GSK3B: variants seen among roughly 807,000 people sequenced by gnomAD.
GSK3B encodes glycogen synthase kinase 3 beta.
In GSK3B, 15 loss-of-function variants were observed where a neutral mutation model predicts 56.4. That is an observed-to-expected ratio of 0.27 (90% CI 0.18 to 0.41). The LOEUF is 0.41. Ranked by LOEUF, GSK3B falls within the 10% of genes least tolerant of loss-of-function variation. GSK3B has a pLI of 1.00. For missense variants in GSK3B, 300 were observed against 513.4 expected (o/e 0.58, Z 4.02); for synonymous variants, 181 against 188.9 (o/e 0.96, Z 0.34).
chr3:120,009,270 G>A (rs2057757111), intron 1 of GSK3B, among the ~76,000 whole-genome samples: 1 of 152,194 alleles, frequency 6.6e-6, no homozygotes, highest in South Asian at 2.1e-4. Context: ...GTGAAAGACA[G>A]TGTAGCGATT....
intron 1 of GSK3B, among the ~76,000 whole-genome samples, chr3:120,057,226 A>C (rs1360452304): frequency 1.3e-5 from 2 of 152,380 alleles, no homozygotes; most frequent in East Asian, 3.8e-4. Flanking sequence ...TGGTTAAATC[A>C]ACAATTTTTT....
chr3:119,890,144 A>C (rs540479863), intron 7 of GSK3B, among the ~76,000 whole-genome samples: 1 of 152,214 alleles, frequency 6.6e-6, no homozygotes, highest in Admixed American at 6.5e-5. Context: ...TTTTTATTCA[A>C]GAGAAATATA....
intron 7 of GSK3B, among the ~76,000 whole-genome samples, chr3:119,903,905 A>G (rs1453997456): frequency 6.6e-6 from 1 of 152,162 alleles, no homozygotes; most frequent in Non-Finnish European, 1.5e-5. Context: ...ATGGTTGTGT[A>G]AGAGCAGAGA....
At chr3:120,067,292 A>C (rs2058288796) in intron 1 of GSK3B, among the ~76,000 whole-genome samples, 1 of 152,098 alleles carries the variant, frequency 6.6e-6, no homozygotes, top group African/African-American at 2.4e-5. Context: ...GATGTTATGC[A>C]ATAGGAAATA....
chr3:120,064,899 G>A (rs182740031), intron 1 of GSK3B, among the ~76,000 whole-genome samples: 96 of 152,096 alleles, frequency 6.3e-4, no homozygotes, highest in Non-Finnish European at 1.1e-3. Flanking sequence ...CACACAATGC[G>A]GAAAAAAATA....
chr3:119,990,369 G>C (rs917999653), intron 2 of GSK3B, among the ~76,000 whole-genome samples: 2 of 152,120 alleles, frequency 1.3e-5, no homozygotes, highest in African/African-American at 4.8e-5. Flanking sequence ...GTAAGAGAAA[G>C]CGCTCCTGAT....
At chr3:119,951,201 A>C (rs926522202) in intron 2 of GSK3B, among the ~76,000 whole-genome samples, 3 of 152,216 alleles carry the variant, frequency 2.0e-5, no homozygotes, top group African/African-American at 7.2e-5. Flanking sequence ...GCCCCGGAGA[A>C]AGTAAAAGCC....
chr3:119,898,476 T>C (rs1266738505), intron 7 of GSK3B, among the ~76,000 whole-genome samples: 2 of 152,114 alleles, frequency 1.3e-5, no homozygotes, highest in Non-Finnish European at 2.9e-5. Flanking sequence ...GATTTAGGGG[T>C]TGCATCACTA....
At chr3:119,847,919 T>C (rs770754998) in intron 9 of GSK3B, among the ~76,000 whole-genome samples, 6 of 152,230 alleles carry the variant, frequency 3.9e-5, no homozygotes, top group Non-Finnish European at 5.9e-5. Context: ...TCCAACTGTT[T>C]ATGAGCCAAT....
intron 1 of GSK3B, among the ~76,000 whole-genome samples, chr3:120,077,835 T>A (rs2107572353): frequency 6.6e-6 from 1 of 151,440 alleles, no homozygotes; most frequent in Non-Finnish European, 1.5e-5. Flanking sequence ...ACTCAAAAAA[T>A]TTTCTTCCTT....
At chr3:119,970,790 AAAACAAAC>A (rs200359060) in intron 2 of GSK3B, among the ~76,000 whole-genome samples, 7 of 144,932 alleles carry the variant, frequency 4.8e-5, no homozygotes, top group East Asian at 2.2e-4. Flanking sequence ...CCGTTTCAAA[AAAACAAAC>A]AAACAAACAA....
intron 3 of GSK3B, among the ~76,000 whole-genome samples, chr3:119,940,110 TTGTGTGTGTGTGTG>T (rs56939160): frequency 6.7e-6 from 1 of 148,944 alleles, no homozygotes; most frequent in Non-Finnish European, 1.5e-5. Flanking sequence ...GTGTGTGTGT[TTGTGTGTGTGTGTG>T]TGTGTGTGTA....
intron 3 of GSK3B, among the ~76,000 whole-genome samples, chr3:119,945,290 A>C (rs2057088914): frequency 6.6e-6 from 1 of 152,172 alleles, no homozygotes; most frequent in Non-Finnish European, 1.5e-5. Flanking sequence ...CAAAATTAGG[A>C]GGTATCTTTT....
intron 8 of GSK3B, among the ~76,000 whole-genome samples, chr3:119,874,201 T>TA (rs2056280611): frequency 6.6e-6 from 1 of 152,076 alleles, no homozygotes. Context: ...TGACACACAC[T>TA]AAATACAGTG....
chr3:119,866,353 C>T (rs891489471), intron 8 of GSK3B, among the ~76,000 whole-genome samples: 1 of 152,118 alleles, frequency 6.6e-6, no homozygotes, highest in Non-Finnish European at 1.5e-5. Flanking sequence ...AATTTTAAAA[C>T]CCCACAATTC....
chr3:120,077,377 T>A (rs2058376034), intron 1 of GSK3B, among the ~76,000 whole-genome samples: 1 of 152,084 alleles, frequency 6.6e-6, no homozygotes, highest in Non-Finnish European at 1.5e-5. Context: ...TGAAATAAAC[T>A]ATACACAGAA....
At chr3:120,067,171 T>C (rs1309506830) in intron 1 of GSK3B, among the ~76,000 whole-genome samples, 3 of 149,892 alleles carry the variant, frequency 2.0e-5, no homozygotes, top group Non-Finnish European at 3.0e-5. Flanking sequence ...GAAAGACTGA[T>C]GGGGAACTTT....
At position 119,940,110 on chromosome 3, in the gene GSK3B, T is replaced by TTGTGTG. The variant is rs56939160; in HGVS notation, c.366+7152_366+7157dup. ...CAGTAACAAAAGTGTGTGTGTGTGT[T>TTGTGTG]TGTGTGTGTGTGTGTGTGTGTGTAT... is the stretch of plus-strand genomic sequence containing the variant. On this transcript the variant is annotated intron_variant, in intron 3 of 10. Transcript: ENST00000264235. Among the ~76,000 whole-genome samples, 464 of 149,040 alleles carry TTGTGTG rather than the reference T, an allele frequency of 3.1e-3. 1 individual carries two copies. The highest frequency in any genetic ancestry group is 0.011 in the African/African-American group (438 of 40,856).
chr3:120,020,648 T>C (rs2057868633), intron 1 of GSK3B, among the ~76,000 whole-genome samples: 1 of 152,138 alleles, frequency 6.6e-6, no homozygotes, highest in Non-Finnish European at 1.5e-5. Context: ...ACAACGATAT[T>C]GAAATTAGGC....
Sources: gnomAD v4.1 joint callset for allele counts (sites outside exome capture counted in the v4.1 genomes callset) on GRCh38, gnomAD v4.1.1 for gene constraint, MANE v1.5 for transcripts, NCBI Gene and HGNC (gene_info 2026-07-23, HGNC 2026-07-21) for gene names.